The following PCDHGB3 variants were observed in gnomAD, a reference collection of about 807,000 sequenced individuals.
PCDHGB3 encodes the protein protocadherin gamma subfamily B, 3.
PCDHGB3 carries 40 observed loss-of-function variants against 59.2 expected under a neutral mutation model. The ratio of observed to expected loss-of-function variants is 0.68; its 90% CI spans 0.52 to 0.88. The LOEUF (loss-of-function observed/expected upper bound fraction) is 0.88. PCDHGB3 is among the 40% of genes least tolerant of loss of function. PCDHGB3 has a pLI of 0.00. For missense variants in PCDHGB3, 1,309 were observed against 1,187.9 expected (o/e 1.10, Z -1.50); for synonymous variants, 581 against 503.6 (o/e 1.15, Z -2.06).
At chr5:141,423,328 G>C (rs1308803675) in intron 1 of PCDHGB3, 1 of 1,614,194 alleles carries the variant, frequency 6.2e-7, no homozygotes, top group African/African-American at 1.3e-5. Flanking sequence ...GGTGGCCGCA[G>C]TCTCCTGCAT....
At position 141,486,714 on chromosome 5, in the gene PCDHGB3, CAG is replaced by C; in HGVS notation, c.2416-8092_2416-8091del. ...TCTTTCATCTCTCTGAACCCCCAGA[CAG>C]GAGCTGTTCATGCTACTCGATCCTT... On this transcript the variant is annotated intron_variant, in intron 1 of 3. Coordinates refer to ENST00000576222, the MANE Select transcript of PCDHGB3 (RefSeq NM_018924.5). This position sits in a 1 kb window ranked among gnomAD's most constrained non-coding sequence, Gnocchi z 5.0. 1 of 1,614,216 alleles carries C rather than the reference CAG, an allele frequency of 6.2e-7. No homozygotes were observed. Among genetic ancestry groups the C allele is most frequent in the Non-Finnish European group, 8.5e-7 (1 of 1,180,034 alleles).
chr5:141,471,254 T>A (rs1043647138), intron 1 of PCDHGB3: 1 of 151,828 alleles, frequency 6.6e-6, no homozygotes, highest in African/African-American at 2.4e-5. Flanking sequence ...TTTCACCATG[T>A]TGGCAAGGCT....
chr5:141,399,561 G>A, intron 1 of PCDHGB3: 2 of 1,614,042 alleles, frequency 1.2e-6, no homozygotes, highest in Non-Finnish European at 1.7e-6. Flanking sequence ...TGGACTTGGG[G>A]TTGAACGGCC....
intron 1 of PCDHGB3, chr5:141,375,797 T>A: frequency 6.2e-7 from 1 of 1,614,192 alleles, no homozygotes; most frequent in Non-Finnish European, 8.5e-7. Flanking sequence ...CACAGACGGT[T>A]CCACTGGCGT....
intron 1 of PCDHGB3, among the ~76,000 whole-genome samples, chr5:141,381,974 C>A (rs1049134937): frequency 6.6e-6 from 1 of 151,492 alleles, no homozygotes; most frequent in Non-Finnish European, 1.5e-5. Flanking sequence ...GGATTACAGG[C>A]GCGCGCCACC....
chr5:141,370,350 A>C lies in PCDHGB3; in HGVS notation c.-45A>C. 1 of 1,496,328 alleles carries C rather than the reference A, an allele frequency of 6.7e-7. No homozygotes were observed. The highest frequency in any genetic ancestry group is 9.0e-7 in the Non-Finnish European group (1 of 1,116,676). 92.7% of individuals were successfully genotyped at this position (1,496,328 alleles called of 1,614,324 possible). A position where few individuals can be genotyped will look rare whatever the true frequency, so the allele number is the denominator to read the frequency against. On this transcript the variant is annotated 5_prime_UTR_variant, in exon 1 of 4. Coordinates refer to ENST00000576222, the MANE Select transcript of PCDHGB3 (RefSeq NM_018924.5). ...GGAGAACTCTTGGGATTATTTAAAGATCTCCTCTCCTCGGATTTAGAAAGG... is the reference window on the plus strand; with the variant it reads ...GGAGAACTCTTGGGATTATTTAAAGCTCTCCTCTCCTCGGATTTAGAAAGG...
Position 141,505,432 on chromosome 5 carries a change from C to T in PCDHGB3, c.2514C>T (p.Asn838=), listed in dbSNP as rs776731214. Residue 838 remains asparagine, a synonymous_variant, in exon 3 of 4, where the codon AAC becomes AAT. Transcript: ENST00000576222. ...ATGACACCGGCACCTGGCCCAACAA[C>T]CAGTTTGACACAGAGATGCTGCAAG... ...NGDDTGTWPN[N]QFDTEMLQAM... 6.2e-7 allele frequency: 1 copy of T among 1,614,252 alleles called. No homozygotes were observed. Among genetic ancestry groups the T allele is most frequent in the Non-Finnish European group, 8.5e-7 (1 of 1,180,048 alleles).
At chr5:141,464,604 G>A (rs1445968596) in intron 1 of PCDHGB3, among the ~76,000 whole-genome samples, 1 of 152,106 alleles carries the variant, frequency 6.6e-6, no homozygotes, top group East Asian at 1.9e-4. Context: ...AGTCTCCTTT[G>A]CAGAGTATAT....
chr5:141,433,305 C>A, intron 1 of PCDHGB3: 1 of 931,030 alleles, frequency 1.1e-6, no homozygotes, highest in Non-Finnish European at 1.6e-6. Context: ...GCAATTATCC[C>A]ACCTTTGCCT....
intron 1 of PCDHGB3, chr5:141,478,198 ACTT>A (rs2099438516): frequency 1.2e-6 from 2 of 1,613,746 alleles, no homozygotes; most frequent in African/African-American, 1.3e-5. Context: ...CCTTTTATCT[ACTT>A]CTTTCTCTAA....
At chr5:141,498,137 G>T (rs1319960274) in intron 2 of PCDHGB3, among the ~76,000 whole-genome samples, 1 of 152,204 alleles carries the variant, frequency 6.6e-6, no homozygotes, top group Non-Finnish European at 1.5e-5. Context: ...GGAGCAGGAG[G>T]ACATCCTGGA....
chr5:141,499,493 A>G (rs1322531312), intron 2 of PCDHGB3, among the ~76,000 whole-genome samples: 1 of 152,222 alleles, frequency 6.6e-6, no homozygotes, highest in African/African-American at 2.4e-5. Context: ...CTACAGTTTA[A>G]TATGAAACAT....
At chr5:141,389,605 A>T in intron 1 of PCDHGB3, 1 of 1,613,092 alleles carries the variant, frequency 6.2e-7, no homozygotes, top group Non-Finnish European at 8.5e-7. Context: ...GCGCTCTTCG[A>T]TATGGTGCCG....
In PCDHGB3 at chr5:141,371,291, G is replaced by A. The variant is rs755232454; in HGVS notation, c.897G>A (p.Gly299=). Residue 299 remains glycine, a synonymous_variant, in exon 1 of 4, where the codon GGG becomes GGA. Transcript: ENST00000576222. ...TGTTCAAGCTGGACAGTAAAACGGG[G>A]GAACTCACCACTATTGGAGAACTGG... ...RQLFKLDSKT[G]ELTTIGELDF... 2.5e-6 allele frequency: 4 copies of A among 1,613,976 alleles called. No individual in the cohort carries two copies. Among genetic ancestry groups the A allele is most frequent in the Non-Finnish European group, 3.4e-6 (4 of 1,179,888 alleles).
chr5:141,389,112 C>T (rs376966829), intron 1 of PCDHGB3: 22 of 1,613,964 alleles, frequency 1.4e-5, no homozygotes, highest in Non-Finnish European at 1.9e-5. Context: ...TGTTCTAGAC[C>T]GCGAGCAGAA....
chr5:141,448,705 C>T (rs2098601893), intron 1 of PCDHGB3, among the ~76,000 whole-genome samples: 1 of 152,100 alleles, frequency 6.6e-6, no homozygotes, highest in Non-Finnish European at 1.5e-5. Context: ...CTTTGGGAGG[C>T]CGAGGCGGGA....
chr5:141,438,152 G>A (rs184819165), intron 1 of PCDHGB3, among the ~76,000 whole-genome samples: 1 of 152,250 alleles, frequency 6.6e-6, no homozygotes, highest in African/African-American at 2.4e-5. Flanking sequence ...CCAGCCTATG[G>A]CAAAGCTAAT....
At chr5:141,385,424 C>T in intron 1 of PCDHGB3, 2 of 1,461,926 alleles carry the variant, frequency 1.4e-6, no homozygotes, top group Non-Finnish European at 1.8e-6. Context: ...ATTTAAAAAA[C>T]TTTATAGAGG....
At chr5:141,428,307 C>T (rs759382004) in intron 1 of PCDHGB3, 5 of 688,034 alleles carry the variant, frequency 7.3e-6, no homozygotes, top group Non-Finnish European at 5.1e-6. Flanking sequence ...TTTACCTGGT[C>T]GTGGCCTTGG....
Sources: allele counts gnomAD v4.1 joint callset (sites outside exome capture counted in the v4.1 genomes callset), GRCh38; gene constraint gnomAD v4.1.1; non-coding constraint Gnocchi (gnomAD v3.1); transcripts MANE v1.5; gene names NCBI Gene and HGNC (gene_info 2026-07-23, HGNC 2026-07-21).